Variants in DENR observed in about 807,000 individuals in gnomAD.
DENR encodes density-regulated protein.
In DENR, 6 loss-of-function variants were observed where a neutral mutation model predicts 30.6. That is an observed-to-expected ratio of 0.20 (90% CI 0.11 to 0.39). DENR has a LOEUF of 0.39. Among genes scored for constraint, DENR ranks in the 10% least tolerant of loss-of-function variants. The pLI is 1.00. For synonymous variants in DENR, 78 were observed against 72.1 expected, an observed-to-expected ratio of 1.08 and a Z score of -0.41; for missense variants, 141 against 230.9, an observed-to-expected ratio of 0.61 and a Z score of 2.52.
chr12:122,759,927 A>G (rs986933607), intron 2 of DENR, among the ~76,000 whole-genome samples: 5 of 152,188 alleles, frequency 3.3e-5, no homozygotes, highest in Non-Finnish European at 5.9e-5. Context: ...ACCCTAAACT[A>G]TAATAGACTA....
rs1210092792 is a variant in DENR at position 122,769,214 on chromosome 12, A to G, written c.*136A>G. The G allele has an allele frequency of 1.2e-6, 1 of 865,660 alleles. No individual in the cohort carries two copies. Among genetic ancestry groups the G allele is most frequent in the South Asian group, 3.8e-5 (1 of 26,382 alleles). 53.6% of individuals were successfully genotyped at this position (865,660 alleles called of 1,614,324 possible). ...CATATATGTATGTATACACATATAC[A>G]CATGTATATATACATGTGTGTATGT... On this transcript the variant is annotated 3_prime_UTR_variant, in exon 8 of 8. Coordinates refer to ENST00000280557, the MANE Select transcript of DENR (RefSeq NM_003677.5).
At chr12:122,766,044 C>G (rs1294853057) in intron 5 of DENR, among the ~76,000 whole-genome samples, 2 of 149,964 alleles carry the variant, frequency 1.3e-5, no homozygotes, top group African/African-American at 2.5e-5. Flanking sequence ...TAGGACTTTG[C>G]ATCTTCAAAA....
chr12:122,760,942 C>A (rs571845430), intron 2 of DENR, among the ~76,000 whole-genome samples: 3 of 152,100 alleles, frequency 2.0e-5, no homozygotes, highest in African/African-American at 7.2e-5. Context: ...AGCGAGATCC[C>A]GTCTCTACAA....
At chr12:122,756,882 A>G (rs1454794753) in intron 2 of DENR, among the ~76,000 whole-genome samples, 1 of 152,236 alleles carries the variant, frequency 6.6e-6, no homozygotes, top group Non-Finnish European at 1.5e-5. Flanking sequence ...CTTATTGGCC[A>G]GGCTATAATA....
At chr12:122,760,973 C>T (rs1021002162) in intron 2 of DENR, among the ~76,000 whole-genome samples, 2 of 152,156 alleles carry the variant, frequency 1.3e-5, no homozygotes, top group African/African-American at 4.8e-5. Context: ...CTTACCTGTA[C>T]ATAGTGGCTC....
chr12:122,765,402 C>T lies in DENR; in HGVS notation c.295+15C>T. ...ACAGAAGAGAGGTAAGACCTAAATTCACATCTTGATTTGTACAGTCATACC... is the reference window on the plus strand; with the variant it reads ...ACAGAAGAGAGGTAAGACCTAAATTTACATCTTGATTTGTACAGTCATACC... On this transcript the variant is annotated intron_variant, in intron 5 of 7. Transcript: ENST00000280557. 2 of 1,542,846 alleles carry T rather than the reference C, an allele frequency of 1.3e-6. No individual in the cohort carries two copies. The highest frequency in any genetic ancestry group is 1.8e-6 in the Non-Finnish European group (2 of 1,139,272).
chr12:122,763,826 T>C (rs1878772695), intron 4 of DENR, among the ~76,000 whole-genome samples: 1 of 152,352 alleles, frequency 6.6e-6, no homozygotes, highest in Admixed American at 6.5e-5. Flanking sequence ...GATTTCCTAC[T>C]CTTGTGGCAA....
rs529804706 is a variant in DENR, at chr12:122,763,572, A to C, written c.211+643A>C. 3.3e-5 allele frequency among the ~76,000 whole-genome samples: 5 copies of C among 152,102 alleles called. No individual in the cohort carries two copies. In the East Asian group the frequency reaches 9.7e-4, roughly 29 times the overall value. On this transcript the variant is annotated intron_variant, in intron 4 of 7. Transcript: ENST00000280557. ...AATACAAAGCTGGGCGTGGTGGCGC[A>C]TGCCTGTAATCCTAGCTACTCGGGA...
chr12:122,760,236 A>G (rs1349564723), intron 2 of DENR, among the ~76,000 whole-genome samples: 1 of 152,192 alleles, frequency 6.6e-6, no homozygotes, highest in Non-Finnish European at 1.5e-5. Flanking sequence ...CAGTTTCATC[A>G]TCTGAATATA....
chr12:122,770,481 A>G lies in DENR; in HGVS notation c.*1403A>G, dbSNP rs1373746970. The G allele has an allele frequency of 5.0e-6, 2 of 396,778 alleles. No homozygotes were observed. Among genetic ancestry groups the G allele is most frequent in the South Asian group, 1.4e-4 (1 of 7,028 alleles). 24.6% of individuals were successfully genotyped at this position (396,778 alleles called of 1,614,324 possible). On this transcript the variant is annotated 3_prime_UTR_variant, in exon 8 of 8. Coordinates refer to ENST00000280557, the MANE Select transcript of DENR (RefSeq NM_003677.5). ...GAGGCTAGAGGTTCTTATTCTGGCT[A>G]TAAATTATGTGAGTAAAATTGTGCT...
intron 2 of DENR, among the ~76,000 whole-genome samples, chr12:122,758,853 TA>T (rs59072327): frequency 0.79 from 116,479 of 146,634 alleles, 46,662 homozygotes; most frequent in Middle Eastern, 0.9. Flanking sequence ...TTTATTTATT[TA>T]TTTTTTTTTT....
chr12:122,757,570 A>G (rs1175975576), intron 2 of DENR, among the ~76,000 whole-genome samples: 4 of 152,230 alleles, frequency 2.6e-5, no homozygotes, highest in African/African-American at 9.6e-5. Flanking sequence ...TCTCAATTGT[A>G]TAAGTGGTGG....
Position 122,769,367 on chromosome 12 carries a change from C to T in DENR, c.*289C>T. ...AACTGTAGACTGTCCTCGTCCTTGG[C>T]ATTTTCACTGTTCTGTACAAGGCTG... On this transcript the variant is annotated 3_prime_UTR_variant, in exon 8 of 8. Transcript: ENST00000280557. The T allele has an allele frequency of 2.0e-6, 2 of 990,334 alleles. No homozygotes were observed. The highest frequency in any genetic ancestry group is 4.6e-5 in the South Asian group (1 of 21,620). 61.3% of individuals were successfully genotyped at this position (990,334 alleles called of 1,614,324 possible).
Position 122,770,638 on chromosome 12 carries a change from C to T in DENR, c.*1560C>T, listed in dbSNP as rs1315627777. On this transcript the variant is annotated 3_prime_UTR_variant, in exon 8 of 8. Coordinates refer to ENST00000280557, the MANE Select transcript of DENR (RefSeq NM_003677.5). ...ATGAATTTAAACTTTAAGTCAGGTG[C>T]TGCAAATTGGAAAGAAGACTTGTGG... 1 of 398,496 alleles carries T rather than the reference C, an allele frequency of 2.5e-6. No homozygotes were observed. The highest frequency in any genetic ancestry group is 4.4e-5 in the Admixed American group (1 of 22,720). 24.7% of individuals were successfully genotyped at this position (398,496 alleles called of 1,614,324 possible).
At chr12:122,765,432 C>T (rs771754935) in intron 5 of DENR, 45 bp downstream of exon 5, 1 of 1,465,152 alleles carries the variant, frequency 6.8e-7, no homozygotes, top group African/African-American at 1.4e-5. Flanking sequence ...CATACCGTCA[C>T]TGCGATAGAA....
At position 122,769,494 on chromosome 12, in the gene DENR, TTCTCTC is replaced by T. The variant is rs150720730; in HGVS notation, c.*432_*437del. ...AAATTTTGGTCATTTGGTACTGACTTTCTCTCTCTCTCTCTCTCTCTTTTTTTTTTT... is the reference window on the plus strand; with the variant it reads ...AAATTTTGGTCATTTGGTACTGACTTTCTCTCTCTCTCTCTTTTTTTTTTT... On this transcript the variant is annotated 3_prime_UTR_variant, in exon 8 of 8. Transcript: ENST00000280557. The T allele has an allele frequency of 2.8e-5, 25 of 894,740 alleles. No individual in the cohort carries two copies. The highest frequency in any genetic ancestry group is 5.7e-4 in the Middle Eastern group (1 of 1,758). 55.4% of individuals were successfully genotyped at this position (894,740 alleles called of 1,614,324 possible).
At position 122,769,317 on chromosome 12, in the gene DENR, T is replaced by G. The variant is rs1477296200; in HGVS notation, c.*239T>G. 4.3e-6 allele frequency: 4 copies of G among 930,782 alleles called. No homozygotes were observed. Among genetic ancestry groups the G allele is most frequent in the Non-Finnish European group, 5.1e-6 (4 of 779,814 alleles). The allele number at this position is 930,782 out of a possible 1,614,324, so 57.7% of individuals were successfully genotyped here. A position where few individuals can be genotyped will look rare whatever the true frequency, so the allele number is the denominator to read the frequency against. ...ATGTATACATATATACACATATGTA[T>G]ACATATATATATATTCTACAGTAAA... On this transcript the variant is annotated 3_prime_UTR_variant, in exon 8 of 8. Coordinates refer to ENST00000280557, the MANE Select transcript of DENR (RefSeq NM_003677.5).
rs187727342 is a variant in DENR at position 122,769,600 on chromosome 12, G to A, written c.*522G>A. 3.5e-4 allele frequency: 155 copies of A among 447,626 alleles called. 1 individual carries two copies. The highest frequency in any genetic ancestry group is 2.9e-3 in the African/African-American group (134 of 46,048). 27.7% of individuals were successfully genotyped at this position (447,626 alleles called of 1,614,324 possible). A position where few individuals can be genotyped will look rare whatever the true frequency, so the allele number is the denominator to read the frequency against. ...CGGCTCACTGCAACCTCCGCCTCCCGGGTTCAAGTGATTCTCCTGCCTCAG... is the reference window on the plus strand; with the variant it reads ...CGGCTCACTGCAACCTCCGCCTCCCAGGTTCAAGTGATTCTCCTGCCTCAG... On this transcript the variant is annotated 3_prime_UTR_variant, in exon 8 of 8. Coordinates refer to ENST00000280557, the MANE Select transcript of DENR (RefSeq NM_003677.5).
rs1370802655 is a variant in DENR at position 122,765,345 on chromosome 12, G to A, written c.253G>A (p.Gly85Arg). ...AGAAGCTGGAATTAGTGAGGGTCAA[G>A]GAACAGCAGGGGAAGAAGAGGAGAA... ...KQEAGISEGQ[G>R]TAGEEEEKKK... Residue 85 changes from glycine (G) to arginine (R), a missense_variant, in exon 5 of 8, where the codon GGA becomes AGA. Transcript: ENST00000280557. 6.4e-7 allele frequency: 1 copy of A among 1,551,910 alleles called. No homozygotes were observed. The highest frequency in any genetic ancestry group is 2.4e-5 in the East Asian group (1 of 40,916).
Sources: allele counts gnomAD v4.1 joint callset (sites outside exome capture counted in the v4.1 genomes callset), GRCh38; gene constraint gnomAD v4.1.1; transcripts MANE v1.5; gene names NCBI Gene and HGNC (gene_info 2026-07-23, HGNC 2026-07-21).